The following ZNF177 variants were observed in gnomAD, a reference collection of about 807,000 sequenced individuals.
ZNF177 encodes zinc finger protein 177.
In ZNF177, 17 loss-of-function variants were observed where a neutral mutation model predicts 19.4. The observed-to-expected ratio is 0.87, with a 90% CI of 0.60 to 1.31. The LOEUF (loss-of-function observed/expected upper bound fraction) is 1.31. Ranked by LOEUF, ZNF177 falls within the 40% of genes most tolerant of loss-of-function variation. The pLI is 0.00. For missense variants in ZNF177, 633 were observed against 561.8 expected (o/e 1.13, Z -1.28); for synonymous variants, 220 against 188.7 (o/e 1.17, Z -1.36).
At chr19:9,378,634 C>T in intron 2 of ZNF177, 1 of 576,278 alleles carries the variant, frequency 1.7e-6, no homozygotes, top group Non-Finnish European at 3.0e-6. Flanking sequence ...TCAAGTATTT[C>T]TTGCATTCCT....
chr19:9,366,122 A>G (rs1311457460), intron 2 of ZNF177, among the ~76,000 whole-genome samples: 1 of 152,114 alleles, frequency 6.6e-6, no homozygotes, highest in Non-Finnish European at 1.5e-5. Flanking sequence ...AGCTAGGATT[A>G]CAGGCATGCT....
chr19:9,363,496 T>C (rs551073711), intron 1 of ZNF177, among the ~76,000 whole-genome samples: 9 of 152,188 alleles, frequency 5.9e-5, no homozygotes, highest in Admixed American at 2.0e-4. Flanking sequence ...CCCTCTGTTA[T>C]GTGGATGCAC....
At chr19:9,376,288 A>C (rs1368974516), upstream of ZNF177, 2 of 152,114 alleles carry the variant, frequency 1.3e-5, no homozygotes, top group African/African-American at 4.8e-5. Context: ...ACCACACCCA[A>C]ATAATTTTTT....
At chr19:9,366,998 C>G (rs1417727816) in intron 2 of ZNF177, among the ~76,000 whole-genome samples, 1 of 152,162 alleles carries the variant, frequency 6.6e-6, no homozygotes, top group Non-Finnish European at 1.5e-5. Flanking sequence ...ACATTCAGAT[C>G]ATTTGCCCAT....
intron 2 of ZNF177, among the ~76,000 whole-genome samples, chr19:9,366,043 C>T (rs527514425): frequency 4.6e-5 from 7 of 152,232 alleles, no homozygotes; most frequent in African/African-American, 7.2e-5. Flanking sequence ...AGTGCAGTGG[C>T]GCAATCTCGG....
intron 1 of ZNF177, among the ~76,000 whole-genome samples, chr19:9,377,270 A>G (rs1477762578): frequency 6.6e-6 from 1 of 152,192 alleles, no homozygotes; most frequent in Non-Finnish European, 1.5e-5. Context: ...ACAGTAGATT[A>G]TATACAGTAC....
chr19:9,380,578 A>G (rs1850671597), intron 5 of ZNF177, 90 bp from the exon 8 acceptor site: 2 of 1,535,512 alleles, frequency 1.3e-6, no homozygotes, highest in Middle Eastern at 1.7e-4. Context: ...TGTGCTTCCT[A>G]TATATGGCAG....
At chr19:9,369,888 A>G (rs1041489373) in intron 2 of ZNF177, among the ~76,000 whole-genome samples, 3 of 152,010 alleles carry the variant, frequency 2.0e-5, no homozygotes, top group Admixed American at 6.5e-5. Context: ...TTCCCAATTT[A>G]TATATTATTT....
At chr19:9,373,640 C>CT (rs1228842091), upstream of ZNF177, among the ~76,000 whole-genome samples, 5 of 152,100 alleles carry the variant, frequency 3.3e-5, no homozygotes, top group Non-Finnish European at 7.4e-5. Flanking sequence ...TCTATTATAA[C>CT]AAGTGTGAGG....
At chr19:9,366,388 G>GT (rs2122485456) in intron 2 of ZNF177, among the ~76,000 whole-genome samples, 1 of 152,150 alleles carries the variant, frequency 6.6e-6, no homozygotes, top group East Asian at 1.9e-4. Flanking sequence ...TCCCGAGTAG[G>GT]TAGGACCACA....
At chr19:9,380,314 C>A (rs1359930322) in intron 5 of ZNF177, among the ~76,000 whole-genome samples, 175 bp downstream of exon 7, 1 of 151,776 alleles carries the variant, frequency 6.6e-6, no homozygotes, top group African/African-American at 2.4e-5. Flanking sequence ...AATCTGTAAA[C>A]CTAGGTTAAC....
upstream of ZNF177, among the ~76,000 whole-genome samples, chr19:9,372,577 T>G (rs532684005): frequency 6.9e-6 from 1 of 144,554 alleles, no homozygotes; most frequent in African/African-American, 2.6e-5. Context: ...GATGGAGTCT[T>G]GCTCTGTCTC....
At chr19:9,373,632 T>C (rs1485862663), upstream of ZNF177, among the ~76,000 whole-genome samples, 1 of 152,188 alleles carries the variant, frequency 6.6e-6, no homozygotes, top group Non-Finnish European at 1.5e-5. Context: ...TGATAATATC[T>C]ATTATAACAA....
chr19:9,363,409 T>A (rs192771609), intron 1 of ZNF177: 1 of 152,410 alleles, frequency 6.6e-6, no homozygotes, highest in Non-Finnish European at 1.5e-5. Context: ...AATGCTCTCT[T>A]GGACCTCACT....
chr19:9,372,840 C>T (rs1022207778), upstream of ZNF177, among the ~76,000 whole-genome samples: 3 of 152,154 alleles, frequency 2.0e-5, no homozygotes, highest in African/African-American at 7.2e-5. Flanking sequence ...AGCCACCACA[C>T]CCTGCCAGTT....
chr19:9,381,889 T>C lies in ZNF177; in HGVS notation c.*112T>C, dbSNP rs2068209177. 6 of 1,465,168 alleles carry C rather than the reference T, an allele frequency of 4.1e-6. No homozygotes were observed. The South Asian group carries it at 8.4e-5, about 21-fold the overall frequency. 90.8% of individuals were successfully genotyped at this position (1,465,168 alleles called of 1,614,324 possible). A position where few individuals can be genotyped will look rare whatever the true frequency, so the allele number is the denominator to read the frequency against. Reference sequence around the variant, plus strand: ...TGGAAACAGCCTTCTGGCCCAACTCTGGATGCCTGTTATACTGGGACAAAC... The same window carrying C: ...TGGAAACAGCCTTCTGGCCCAACTCCGGATGCCTGTTATACTGGGACAAAC... On this transcript the variant is annotated 3_prime_UTR_variant, in exon 6 of 6. Coordinates refer to ENST00000589262, the Ensembl canonical transcript of ZNF177.
chr19:9,373,928 T>G (rs2068079044), upstream of ZNF177, among the ~76,000 whole-genome samples: 1 of 152,190 alleles, frequency 6.6e-6, no homozygotes, highest in African/African-American at 2.4e-5. Flanking sequence ...GTAGTTTCAC[T>G]TATTTTTGCC....
chr19:9,366,564 T>C (rs2067982797), intron 2 of ZNF177, among the ~76,000 whole-genome samples: 5 of 152,226 alleles, frequency 3.3e-5, no homozygotes, highest in Admixed American at 3.3e-4. Context: ...GCCTTCATTT[T>C]CTATTGTCAA....
exon 6 of ZNF177, chr19:9,381,182 A>G (rs752324988): frequency 2.5e-5 from 41 of 1,614,092 alleles, no homozygotes; most frequent in Non-Finnish European, 3.1e-5. Flanking sequence ...GAGATGCCCT[A>G]TGAATGCAGT....
Sources: allele counts gnomAD v4.1 joint callset (sites outside exome capture counted in the v4.1 genomes callset), GRCh38; gene constraint gnomAD v4.1.1; transcripts MANE v1.5; gene names NCBI Gene and HGNC (gene_info 2026-07-23, HGNC 2026-07-21).